The following CPN1 variants were observed in gnomAD, a reference collection of about 807,000 sequenced individuals.
CPN1 encodes the protein carboxypeptidase N catalytic chain.
CPN1 carries 37 observed loss-of-function variants against 46.4 expected under a neutral mutation model. The ratio of observed to expected loss-of-function variants is 0.80; its 90% CI spans 0.61 to 1.05. CPN1 has a LOEUF of 1.05. Ranked by LOEUF, CPN1 falls within the 50% of genes least tolerant of loss-of-function variation. CPN1 has a pLI of 0.00. For missense variants in CPN1, 563 were observed against 602.6 expected, an observed-to-expected ratio of 0.93 and a Z score of 0.69; for synonymous variants, 224 against 235.4, an observed-to-expected ratio of 0.95 and a Z score of 0.44.
intron 4 of CPN1, among the ~76,000 whole-genome samples, chr10:100,064,873 ACC>A (rs756562247): frequency 6.6e-6 from 1 of 151,640 alleles, no homozygotes; most frequent in South Asian, 2.1e-4. Context: ...TCTACTTTAG[ACC>A]CCCCCAAAAA....
At chr10:100,047,295 C>A (rs2041320209) in intron 8 of CPN1, among the ~76,000 whole-genome samples, 1 of 151,932 alleles carries the variant, frequency 6.6e-6, no homozygotes, top group South Asian at 2.1e-4. Context: ...TCTTGTTTGA[C>A]TGTAGGTCAA....
intron 8 of CPN1, among the ~76,000 whole-genome samples, chr10:100,046,283 C>T (rs2041311371): frequency 6.6e-6 from 1 of 152,184 alleles, no homozygotes; most frequent in South Asian, 2.1e-4. Flanking sequence ...AAAAACTGGT[C>T]TTAAAGAAAC....
chr10:100,059,620 G>C (rs1461135067), intron 5 of CPN1, among the ~76,000 whole-genome samples: 1 of 150,380 alleles, frequency 6.6e-6, no homozygotes, highest in Non-Finnish European at 1.5e-5. Context: ...GAGTTGGTGA[G>C]GATGTGGAAA....
At chr10:100,043,091 CAA>C (rs749971720) in intron 8 of CPN1, among the ~76,000 whole-genome samples, 13 of 57,584 alleles carry the variant, frequency 2.3e-4, no homozygotes, top group Admixed American at 6.4e-4. Flanking sequence ...GACTCCATCT[CAA>C]AAAAAAAAAA....
chr10:100,042,608 T>C (rs891005427), intron 8 of CPN1, 35 bp from the exon 9 acceptor site: 7 of 1,613,160 alleles, frequency 4.3e-6, no homozygotes, highest in Admixed American at 1.7e-5. Context: ...CGAGATCCGT[T>C]TGGACCATCT....
chr10:100,051,744 G>T (rs569037203), intron 7 of CPN1, among the ~76,000 whole-genome samples: 1 of 152,182 alleles, frequency 6.6e-6, no homozygotes, highest in South Asian at 2.1e-4. Flanking sequence ...GGCCAGGCTG[G>T]TCTTGAACTC....
At chr10:100,065,958 T>TG (rs1457594594) in intron 3 of CPN1, among the ~76,000 whole-genome samples, 1 of 151,762 alleles carries the variant, frequency 6.6e-6, no homozygotes, top group African/African-American at 2.4e-5. Context: ...AAGTTTTTTT[T>TG]TTTGTTTTGT....
rs375256139 is a variant in CPN1, at chr10:100,048,361, A to C, written c.1230+397T>G. Among the ~76,000 whole-genome samples the C allele has an allele frequency of 2.9e-3, 448 of 152,258 alleles. 4 individuals are homozygous for C. Among genetic ancestry groups the C allele is most frequent in the South Asian group, 0.016 (78 of 4,822 alleles). On this transcript the variant is annotated intron_variant, in intron 8 of 8. Transcript: ENST00000370418. ...GCAATTAATTCTTTAAAAAACAGTAAAAGAAAGAAGCTGGGCAAAGATTAG... is the reference window on the plus strand; with the variant it reads ...GCAATTAATTCTTTAAAAAACAGTACAAGAAAGAAGCTGGGCAAAGATTAG...
chr10:100,069,762 G>C lies in CPN1; in HGVS notation c.528C>G (p.Tyr176Ter). 1 of 1,613,718 alleles carries C rather than the reference G, an allele frequency of 6.2e-7. No individual in the cohort carries two copies. Among genetic ancestry groups the C allele is most frequent in the Non-Finnish European group, 8.5e-7 (1 of 1,179,974 alleles). Reference protein sequence around the residue: ...LNTYIYYNEKYGGPNHHLPLP... With the variant: ...LNTYIYYNEK ...GGGGCAGGTGGTGGTTGGGGCCTCC[G>C]TACTTCTCGTTATAGTAGATATAGG... The change falls in exon 3 of 9, where the codon TAC (tyrosine) becomes TAG (stop). Residue 176 changes from tyrosine (Y) to a stop codon, truncating the protein, a stop_gained. Coordinates refer to ENST00000370418, the MANE Select transcript of CPN1 (RefSeq NM_001308.3). LOFTEE classifies it high-confidence loss of function.
chr10:100,063,868 C>G (rs1235948624), intron 4 of CPN1, 143 bp from the exon 5 acceptor site: 1 of 710,790 alleles, frequency 1.4e-6, no homozygotes, highest in African/African-American at 1.7e-5. Context: ...AAAATAGGAT[C>G]AGGGATAGAA....
intron 1 of CPN1, among the ~76,000 whole-genome samples, chr10:100,080,653 G>A (rs528396672): frequency 6.6e-6 from 1 of 152,350 alleles, no homozygotes; most frequent in South Asian, 2.1e-4. Context: ...CCAACACTGG[G>A]AGGCCAAGGT....
Position 100,042,476 on chromosome 10 carries a change from G to A in CPN1, c.1328C>T (p.Ala443Val), listed in dbSNP as rs758222936. Reference protein sequence around the residue: ...HGVRAKVQPQARKKEMEMRQL... With the variant: ...HGVRAKVQPQVRKKEMEMRQL... The stretch of plus-strand genomic sequence containing the variant: ...CCTCATCTCCATTTCTTTCTTTCTG[G>A]CTTGGGGCTGCACTTTGGCTCTGAC... The change falls in exon 9 of 9, where the codon GCC becomes GTC. Residue 443 changes from alanine (A) to valine (V), a missense_variant. By Grantham distance (64) the Ala-to-Val change is moderately conservative. Transcript: ENST00000370418. The A allele has an allele frequency of 1.2e-6, 2 of 1,613,852 alleles. No individual in the cohort carries two copies. The highest frequency in any genetic ancestry group is 2.2e-5 in the South Asian group (2 of 91,070).
At chr10:100,060,519 C>A (rs1359123259) in intron 5 of CPN1, among the ~76,000 whole-genome samples, 1 of 152,056 alleles carries the variant, frequency 6.6e-6, no homozygotes, top group African/African-American at 2.4e-5. Flanking sequence ...AAGATGGAGC[C>A]ACTGCACTCC....
intron 2 of CPN1, among the ~76,000 whole-genome samples, chr10:100,073,119 C>T (rs74152968): frequency 0.026 from 3,971 of 152,244 alleles, 72 homozygotes; most frequent in East Asian, 0.07. Context: ...CTTTTCATGG[C>T]ACCCTGCTTG....
At chr10:100,077,631 C>G (rs1251426461) in intron 1 of CPN1, among the ~76,000 whole-genome samples, 2 of 152,148 alleles carry the variant, frequency 1.3e-5, no homozygotes, top group African/African-American at 4.8e-5. Flanking sequence ...TATTATTTAT[C>G]TTAGTATACC....
intron 8 of CPN1, among the ~76,000 whole-genome samples, chr10:100,046,532 G>A (rs1249969792): frequency 6.6e-6 from 1 of 152,200 alleles, no homozygotes; most frequent in East Asian, 1.9e-4. Context: ...CAGCACTTTG[G>A]GAGGCCGAGG....
chr10:100,066,159 T>C (rs978664497), intron 3 of CPN1, among the ~76,000 whole-genome samples: 1 of 152,076 alleles, frequency 6.6e-6, no homozygotes, highest in Non-Finnish European at 1.5e-5. Flanking sequence ...TTTTGCCATG[T>C]TACTGAGGCT....
Position 100,065,192 on chromosome 10 carries a change from T to C in CPN1, c.755A>G (p.Gln252Arg), listed in dbSNP as rs748121885. ...ACAAGCTGCTTCTCCACATACCTTCTGGAAGAGCTTGTCGTCAGGCGTGGG... is the reference window on the plus strand; with the variant it reads ...ACAAGCTGCTTCTCCACATACCTTCCGGAAGAGCTTGTCGTCAGGCGTGGG... Reference protein sequence around the residue: ...STPTPDDKLFQKLAKVYSYAH... With the variant: ...STPTPDDKLFRKLAKVYSYAH... Residue 252 changes from glutamine (Q) to arginine (R), a missense_variant, in exon 4 of 9, where the codon CAG becomes CGG. Transcript: ENST00000370418. 5.0e-6 allele frequency: 8 copies of C among 1,613,054 alleles called. No individual in the cohort carries two copies. Among genetic ancestry groups the C allele is most frequent in the East Asian group, 2.2e-5 (1 of 44,862 alleles).
chr10:100,065,912 TAA>T (rs2041452290), intron 3 of CPN1, among the ~76,000 whole-genome samples: 1 of 151,738 alleles, frequency 6.6e-6, no homozygotes, highest in Non-Finnish European at 1.5e-5. Flanking sequence ...CCCTAAAAAA[TAA>T]AGTCTGTTGA....
Sources: allele counts gnomAD v4.1 joint callset (sites outside exome capture counted in the v4.1 genomes callset), GRCh38; gene constraint gnomAD v4.1.1; transcripts MANE v1.5; gene names NCBI Gene and HGNC (gene_info 2026-07-23, HGNC 2026-07-21).